LUC7L: variants seen among roughly 807,000 people sequenced by gnomAD.
The protein encoded by LUC7L is LUC7 like.
A neutral mutation model predicts 51.1 loss-of-function variants in LUC7L; 29 were observed. The ratio of observed to expected loss-of-function variants is 0.57; its 90% CI spans 0.42 to 0.77. The LOEUF (loss-of-function observed/expected upper bound fraction) is 0.77, where lower values mean the gene tolerates loss of function less well. Among genes scored for constraint, LUC7L ranks in the 30% least tolerant of loss-of-function variants. The pLI, the probability that LUC7L is intolerant of heterozygous loss-of-function variation, is 0.00. For synonymous variants in LUC7L, 181 were observed against 180.7 expected (o/e 1.00, Z -0.01); for missense variants, 403 against 511.9 (o/e 0.79, Z 2.05).
chr16:207,264 C>G (rs2049510167), intron 4 of LUC7L, among the ~76,000 whole-genome samples: 1 of 151,790 alleles, frequency 6.6e-6, no homozygotes, highest in African/African-American at 2.4e-5. Flanking sequence ...CTCTGTTATC[C>G]AGGCTGAAGC....
In LUC7L at chr16:220,658, A is replaced by G; in HGVS notation, c.246T>C (p.Phe82=). The G allele has an allele frequency of 6.2e-7, 1 of 1,611,128 alleles. No homozygotes were observed. Among genetic ancestry groups the G allele is most frequent in the South Asian group, 1.1e-5 (1 of 90,624 alleles). ...EIASKERDLF[F]ELDAMDHLES... ...ATTAAATAAAACTTACATCTAATTC[A>G]AAAAACAGGTCTCTTTCTTTACTTG... Residue 82 remains phenylalanine, a synonymous_variant, in exon 3 of 10, where the codon TTT becomes TTC. Coordinates refer to ENST00000293872, the MANE Select transcript of LUC7L (RefSeq NM_201412.3).
At chr16:227,664 C>T (rs1385097553) in intron 1 of LUC7L, 1 of 1,104,136 alleles carries the variant, frequency 9.1e-7, no homozygotes, top group South Asian at 2.8e-5. Flanking sequence ...AAAACCCAAG[C>T]TAATCAGAGG....
intron 3 of LUC7L, among the ~76,000 whole-genome samples, chr16:215,116 C>T (rs1489594232): frequency 6.6e-6 from 1 of 152,064 alleles, no homozygotes; most frequent in African/African-American, 2.4e-5. Flanking sequence ...TTACGATAAA[C>T]ATCTTTTCTC....
At chr16:211,740 G>A (rs2049646634) in intron 3 of LUC7L, among the ~76,000 whole-genome samples, 1 of 152,188 alleles carries the variant, frequency 6.6e-6, no homozygotes, top group Non-Finnish European at 1.5e-5. Flanking sequence ...AAGCCCCTGA[G>A]CACAGACAGC....
At chr16:207,348 G>A (rs1415715767) in intron 4 of LUC7L, among the ~76,000 whole-genome samples, 1 of 151,932 alleles carries the variant, frequency 6.6e-6, no homozygotes, top group African/African-American at 2.4e-5. Flanking sequence ...TCAGCCTCCT[G>A]AGTAACTGGG....
intron 1 of LUC7L, 171 bp from the exon 2 acceptor site, chr16:227,507 A>G: frequency 7.0e-7 from 1 of 1,435,926 alleles, no homozygotes; most frequent in South Asian, 1.5e-5. Flanking sequence ...TGGAATACAC[A>G]TTTTTTTGAG....
chr16:221,186 ATT>A (rs372906826), intron 2 of LUC7L, among the ~76,000 whole-genome samples: 37 of 101,238 alleles, frequency 3.7e-4, no homozygotes, highest in East Asian at 1.4e-3. Context: ...CACCCAGCTA[ATT>A]TTTTTTTTTT....
intron 5 of LUC7L, among the ~76,000 whole-genome samples, chr16:205,100 A>AAT (rs1304683927): frequency 6.6e-6 from 1 of 152,204 alleles, no homozygotes; most frequent in Admixed American, 6.6e-5. Flanking sequence ...GCCCTGATTT[A>AAT]ATACTGCACC....
chr16:222,011 T>C (rs1321147157), intron 2 of LUC7L, among the ~76,000 whole-genome samples: 1 of 152,176 alleles, frequency 6.6e-6, no homozygotes, highest in Non-Finnish European at 1.5e-5. Context: ...CAGATAATTG[T>C]CCCACTCAGT....
chr16:220,589 T>A, intron 3 of LUC7L, 60 bp downstream of exon 3: 1 of 1,248,560 alleles, frequency 8.0e-7, no homozygotes, highest in Non-Finnish European at 1.2e-6. Flanking sequence ...TACATTTTTC[T>A]TGTTAGTTCA....
intron 7 of LUC7L, 51 bp from the exon 8 acceptor site, chr16:190,621 T>C: frequency 1.9e-6 from 3 of 1,571,824 alleles, no homozygotes; most frequent in Non-Finnish European, 2.6e-6. Flanking sequence ...GGCTCACACC[T>C]GTAATCCCAG....
At chr16:211,099 A>C (rs534272445) in intron 3 of LUC7L, among the ~76,000 whole-genome samples, 1 of 150,218 alleles carries the variant, frequency 6.7e-6, no homozygotes, top group East Asian at 2.0e-4. Flanking sequence ...ACGGTGGCTC[A>C]CGCCTGTAAT....
intron 1 of LUC7L, chr16:227,883 G>C (rs1317091796): frequency 1.0e-6 from 1 of 1,000,662 alleles, no homozygotes; most frequent in Non-Finnish European, 1.2e-6. Context: ...CCTTAAAAAA[G>C]AGAGTTGCTA....
At chr16:218,956 G>A (rs143660108) in intron 3 of LUC7L, among the ~76,000 whole-genome samples, 13 of 146,488 alleles carry the variant, frequency 8.9e-5, no homozygotes, top group African/African-American at 2.3e-4. Context: ...AAAAAAGGCC[G>A]GGTGTGGTGG....
intron 3 of LUC7L, among the ~76,000 whole-genome samples, chr16:217,572 C>T (rs1408505465): frequency 6.6e-6 from 1 of 151,024 alleles, no homozygotes; most frequent in Non-Finnish European, 1.5e-5. Flanking sequence ...CCAGGCGTAG[C>T]GATGTGCACC....
At chr16:195,868 C>A (rs1394575050) in intron 6 of LUC7L, among the ~76,000 whole-genome samples, 1 of 152,118 alleles carries the variant, frequency 6.6e-6, no homozygotes, top group Non-Finnish European at 1.5e-5. Flanking sequence ...ACAGAACTCC[C>A]ACTCTCCCTA....
intron 2 of LUC7L, among the ~76,000 whole-genome samples, chr16:226,175 G>A (rs1336459265): frequency 6.6e-6 from 1 of 152,224 alleles, no homozygotes; most frequent in Admixed American, 6.5e-5. Flanking sequence ...TTTGCTGTCA[G>A]AAAACTCAGC....
intron 5 of LUC7L, among the ~76,000 whole-genome samples, chr16:201,348 C>T (rs2049322714): frequency 6.6e-6 from 1 of 151,508 alleles, no homozygotes; most frequent in African/African-American, 2.4e-5. Context: ...CCTTAAATGC[C>T]ACCTTCTAAC....
At chr16:199,751 T>C (rs1428547660) in intron 5 of LUC7L, among the ~76,000 whole-genome samples, 2 of 94,176 alleles carry the variant, frequency 2.1e-5, no homozygotes, top group East Asian at 2.6e-4. Flanking sequence ...AGCAAAACCC[T>C]GTCTCAAAAA....
Sources: allele counts gnomAD v4.1 joint callset (sites outside exome capture counted in the v4.1 genomes callset), GRCh38; gene constraint gnomAD v4.1.1; transcripts MANE v1.5; gene names NCBI Gene and HGNC (gene_info 2026-07-23, HGNC 2026-07-21).